PROS1: variants seen among roughly 807,000 people sequenced by gnomAD.
The protein encoded by PROS1 is vitamin K-dependent protein S.
Under a neutral mutation model 75.9 loss-of-function variants are expected in PROS1, and 29 were observed. The ratio of observed to expected loss-of-function variants is 0.38; its 90% CI spans 0.28 to 0.52. The LOEUF (loss-of-function observed/expected upper bound fraction) is 0.52, where lower values mean the gene tolerates loss of function less well. Among genes scored for constraint, PROS1 ranks in the 20% least tolerant of loss-of-function variants. The probability of loss-of-function intolerance (pLI) is 0.83; values close to 1 mark genes in which losing one functional copy is unlikely to be tolerated. For missense variants in PROS1, 680 were observed against 810.3 expected (o/e 0.84, Z 1.95); for synonymous variants, 245 against 280.6 (o/e 0.87, Z 1.27).
intron 1 of PROS1, among the ~76,000 whole-genome samples, chr3:93,937,637 G>A (rs1709206570): frequency 6.6e-6 from 1 of 152,072 alleles, no homozygotes; most frequent in Non-Finnish European, 1.5e-5. Flanking sequence ...AAAGTACTGG[G>A]ATTACAGGCG....
At position 93,932,919 on chromosome 3, in the gene PROS1, T is replaced by C. The variant is rs540863594; in HGVS notation, c.77-5512A>G. 1.2e-4 allele frequency among the ~76,000 whole-genome samples: 18 copies of C among 152,322 alleles called. No individual in the cohort carries two copies. In the East Asian group the frequency reaches 3.5e-3, roughly 29 times the overall value. ...ATGGAGGAGCATCCAGGTTTTAGGA[T>C]AGCTTATCCTCTGAAGCTCTTCCAT... On this transcript the variant is annotated intron_variant, in intron 1 of 14. Coordinates refer to ENST00000394236, the MANE Select transcript of PROS1 (RefSeq NM_000313.4).
At chr3:93,931,878 G>C (rs914027122) in intron 1 of PROS1, among the ~76,000 whole-genome samples, 5 of 152,184 alleles carry the variant, frequency 3.3e-5, no homozygotes, top group Non-Finnish European at 7.3e-5. Flanking sequence ...TTTAATTTTT[G>C]TAAAAGAAAT....
chr3:93,929,230 C>A (rs1559941927), intron 1 of PROS1, among the ~76,000 whole-genome samples: 1 of 152,186 alleles, frequency 6.6e-6, no homozygotes, highest in Non-Finnish European at 1.5e-5. Flanking sequence ...GTAATCCCAG[C>A]ACTTTGGGAG....
At chr3:93,950,015 T>G (rs1173684235) in intron 1 of PROS1, among the ~76,000 whole-genome samples, 1 of 152,150 alleles carries the variant, frequency 6.6e-6, no homozygotes, top group African/African-American at 2.4e-5. Context: ...TCTTATCAAA[T>G]GGCACACCAG....
intron 1 of PROS1, among the ~76,000 whole-genome samples, chr3:93,965,675 A>G (rs1213014274): frequency 6.6e-6 from 1 of 152,106 alleles, no homozygotes; most frequent in Admixed American, 6.6e-5. Flanking sequence ...CCCCCCGGTA[A>G]CAACCTGATA....
chr3:93,893,236 ATTTC>A (rs1306855143), intron 9 of PROS1, 114 bp from the exon 10 acceptor site: 2 of 992,252 alleles, frequency 2.0e-6, no homozygotes, highest in African/African-American at 1.6e-5. Flanking sequence ...TCAATTATTT[ATTTC>A]TTTTTCTGGA....
At chr3:93,933,430 C>T (rs1192431685) in intron 1 of PROS1, among the ~76,000 whole-genome samples, 1 of 151,952 alleles carries the variant, frequency 6.6e-6, no homozygotes, top group Non-Finnish European at 1.5e-5. Flanking sequence ...TAAAAAGTAG[C>T]TGGGCATGGT....
At chr3:93,932,267 T>C (rs964913378) in intron 1 of PROS1, among the ~76,000 whole-genome samples, 1 of 152,244 alleles carries the variant, frequency 6.6e-6, no homozygotes, top group Non-Finnish European at 1.5e-5. Flanking sequence ...CCGTTTTATA[T>C]ATGAATAAGC....
chr3:93,911,051 C>T, intron 3 of PROS1: 1 of 291,070 alleles, frequency 3.4e-6, no homozygotes, highest in Non-Finnish European at 6.6e-6. Flanking sequence ...AGATGTTGCC[C>T]TCAAATCTAC....
intron 14 of PROS1, among the ~76,000 whole-genome samples, chr3:93,874,633 A>G (rs999809275): frequency 6.6e-6 from 1 of 152,152 alleles, no homozygotes; most frequent in African/African-American, 2.4e-5. Flanking sequence ...CATAAACACA[A>G]TTAGTTCCAT....
chr3:93,876,548 C>T (rs981926463), intron 14 of PROS1, among the ~76,000 whole-genome samples: 1 of 127,698 alleles, frequency 7.8e-6, no homozygotes, highest in Non-Finnish European at 1.6e-5. Context: ...GAGATCGTGC[C>T]ACTGCACTCC....
intron 4 of PROS1, among the ~76,000 whole-genome samples, chr3:93,909,624 C>G (rs951817458): frequency 3.3e-5 from 5 of 152,102 alleles, no homozygotes; most frequent in African/African-American, 1.2e-4. Flanking sequence ...ACACCAGCCT[C>G]TAAACTTCCC....
chr3:93,950,244 C>A (rs770299446), intron 1 of PROS1, among the ~76,000 whole-genome samples: 5 of 152,174 alleles, frequency 3.3e-5, no homozygotes, highest in Non-Finnish European at 7.4e-5. Flanking sequence ...TCTGTAGACT[C>A]CACCTCTAGG....
chr3:93,886,479 T>A lies in PROS1; in HGVS notation c.1180A>T (p.Ser394Cys). Reference protein sequence around the residue: ...NMVSVEELEHSISIKIAKEAV... With the variant: ...NMVSVEELEHCISIKIAKEAV... The stretch of plus-strand genomic sequence containing the variant: ...TCTTTAGCTATTTTAATGCTAATAC[T>A]ATGTTCTAATTCTTCCACAGACACC... The change falls in exon 11 of 15, where the codon AGT (serine) becomes TGT (cysteine). Residue 394 changes from serine to cysteine, a missense_variant. Ser to Cys is a moderately radical substitution (Grantham distance 112). Coordinates refer to ENST00000394236, the MANE Select transcript of PROS1 (RefSeq NM_000313.4). 1 of 1,610,052 alleles carries A rather than the reference T, an allele frequency of 6.2e-7. No homozygotes were observed. The highest frequency in any genetic ancestry group is 8.5e-7 in the Non-Finnish European group (1 of 1,176,384).
intron 1 of PROS1, among the ~76,000 whole-genome samples, chr3:93,930,138 A>C (rs1173566607): frequency 6.6e-6 from 1 of 152,208 alleles, no homozygotes; most frequent in Non-Finnish European, 1.5e-5. Context: ...TGTTTGGGTT[A>C]GATTTGTAAC....
rs1411751908 is a variant in PROS1 at position 93,968,792 on chromosome 3, A to ATTAGTAT, written c.76+4881_76+4882insATACTAA. Reference sequence around the variant, plus strand: ...AGGAAGACAATAATCCAGGCAAAATAGTGTTGTTGCCACATACTAATCAGG... The same window carrying ATTAGTAT: ...AGGAAGACAATAATCCAGGCAAAATATTAGTATGTGTTGTTGCCACATACTAATCAGG... On this transcript the variant is annotated intron_variant, in intron 1 of 14. Coordinates refer to ENST00000394236, the MANE Select transcript of PROS1 (RefSeq NM_000313.4). Among the ~76,000 whole-genome samples the ATTAGTAT allele has an allele frequency of 1.1e-3, 163 of 152,336 alleles. 1 individual carries two copies. Among genetic ancestry groups the ATTAGTAT allele is most frequent in the African/African-American group, 3.7e-3 (152 of 41,568 alleles).
At chr3:93,910,274 C>G (rs1708740847) in intron 4 of PROS1, among the ~76,000 whole-genome samples, 1 of 152,158 alleles carries the variant, frequency 6.6e-6, no homozygotes, top group Admixed American at 6.5e-5. Flanking sequence ...CATGGCTCTA[C>G]TTTGAGCTAT....
intron 6 of PROS1, among the ~76,000 whole-genome samples, chr3:93,902,846 T>C (rs188953401): frequency 2.6e-5 from 4 of 152,260 alleles, no homozygotes; most frequent in African/African-American, 9.6e-5. Context: ...CATTTCTACA[T>C]CTTGGCAAAG....
rs141258611 is a variant in PROS1 at position 93,943,194 on chromosome 3, G to A, written c.77-15787C>T. 3.6e-4 allele frequency among the ~76,000 whole-genome samples: 55 copies of A among 152,138 alleles called. 1 individual carries two copies. The highest frequency in any genetic ancestry group is 4.6e-4 in the Non-Finnish European group (31 of 68,014). ...CCTCAATCTTTAGGAAAGATAGAACGGACTAATGATCTTTTAAAAGCACAC... is the reference window on the plus strand; with the variant it reads ...CCTCAATCTTTAGGAAAGATAGAACAGACTAATGATCTTTTAAAAGCACAC... On this transcript the variant is annotated intron_variant, in intron 1 of 14. Transcript: ENST00000394236.
Sources: allele counts gnomAD v4.1 joint callset (sites outside exome capture counted in the v4.1 genomes callset), GRCh38; gene constraint gnomAD v4.1.1; transcripts MANE v1.5; gene names NCBI Gene and HGNC (gene_info 2026-07-23, HGNC 2026-07-21).